The following LRRTM4 variants were observed in gnomAD, a reference collection of about 807,000 sequenced individuals.
LRRTM4 encodes the protein leucine-rich repeat transmembrane neuronal protein 4.
Under a neutral mutation model 47.6 loss-of-function variants are expected in LRRTM4, and 25 were observed. The ratio of observed to expected loss-of-function variants is 0.53; its 90% confidence interval spans 0.38 to 0.73. The LOEUF is 0.73. LRRTM4 is among the 30% of genes least tolerant of loss of function. LRRTM4 has a pLI of 0.00. For missense variants in LRRTM4, 638 were observed against 713.4 expected (o/e 0.89, Z 1.20); for synonymous variants, 311 against 269.5 (o/e 1.15, Z -1.51).
chr2:77,210,332 T>C (rs1028902735), intron 3 of LRRTM4, among the ~76,000 whole-genome samples: 2 of 152,166 alleles, frequency 1.3e-5, no homozygotes, highest in Admixed American at 1.3e-4. Context: ...CCATTTCCTC[T>C]TCCCCACCCT....
intron 3 of LRRTM4, among the ~76,000 whole-genome samples, chr2:77,291,892 A>G (rs543726489): frequency 5.5e-4 from 83 of 152,220 alleles, no homozygotes; most frequent in African/African-American, 1.9e-3. Flanking sequence ...AGAAACTACC[A>G]TCAGAGTGAA....
In LRRTM4 at chr2:77,100,838, C is replaced by T. The variant is rs1465247767; in HGVS notation, c.1552-351922G>A. Among the ~76,000 whole-genome samples the T allele has an allele frequency of 8.0e-5, 12 of 149,192 alleles. No individual in the cohort carries two copies. The Admixed American group carries it at 8.1e-4, about 10-fold the overall frequency. On this transcript the variant is annotated intron_variant, in intron 3 of 3. Coordinates refer to ENST00000409884, the MANE Select transcript of LRRTM4 (RefSeq NM_001134745.3). ...TCAATGTAAGCTTCTATTAAAGTAG[C>T]TCTGATTCTTTTTTTTTTTTTTTTT...
chr2:77,282,222 T>G (rs190133167), intron 3 of LRRTM4, among the ~76,000 whole-genome samples: 4 of 151,994 alleles, frequency 2.6e-5, no homozygotes, highest in Non-Finnish European at 5.9e-5. Flanking sequence ...ATTGCATACT[T>G]GATTTAGCTC....
chr2:76,925,867 A>G (rs1458138067), intron 3 of LRRTM4, among the ~76,000 whole-genome samples: 2 of 152,204 alleles, frequency 1.3e-5, no homozygotes, highest in Non-Finnish European at 1.5e-5. Context: ...AACCTCACAC[A>G]GTATTTATAA....
chr2:77,499,915 T>C (rs573150386), intron 3 of LRRTM4, among the ~76,000 whole-genome samples: 5 of 151,894 alleles, frequency 3.3e-5, no homozygotes, highest in African/African-American at 1.2e-4. Flanking sequence ...TTAAAGTATA[T>C]GGTTACTTTG....
intron 3 of LRRTM4, among the ~76,000 whole-genome samples, chr2:76,786,193 G>T (rs1674661087): frequency 1.3e-5 from 2 of 152,162 alleles, no homozygotes; most frequent in African/African-American, 4.8e-5. Flanking sequence ...TATAAAGAAA[G>T]TCTCTAGCCT....
intron 3 of LRRTM4, among the ~76,000 whole-genome samples, chr2:77,324,892 G>A (rs979546413): frequency 6.6e-6 from 1 of 152,120 alleles, no homozygotes; most frequent in Non-Finnish European, 1.5e-5. Flanking sequence ...TAGGTGATTC[G>A]AACCAAGGTC....
chr2:76,991,034 C>T (rs922651502), intron 3 of LRRTM4, among the ~76,000 whole-genome samples: 5 of 151,728 alleles, frequency 3.3e-5, no homozygotes, highest in Admixed American at 1.3e-4. Flanking sequence ...AAACAACTTG[C>T]TCATGAATGA....
At chr2:77,431,598 A>G (rs1269887765) in intron 3 of LRRTM4, among the ~76,000 whole-genome samples, 1 of 149,048 alleles carries the variant, frequency 6.7e-6, no homozygotes, top group Admixed American at 6.6e-5. Flanking sequence ...TAAAGTCCAG[A>G]GTCTCATCTA....
intron 3 of LRRTM4, among the ~76,000 whole-genome samples, chr2:76,968,385 C>CACACACACAT (rs1558767929): frequency 2.5e-5 from 2 of 79,632 alleles, no homozygotes; most frequent in East Asian, 8.4e-4. Flanking sequence ...TATATATATA[C>CACACACACAT]ACATACATAC....
chr2:76,833,588 T>G (rs375589689), intron 3 of LRRTM4, among the ~76,000 whole-genome samples: 1 of 124,596 alleles, frequency 8.0e-6, no homozygotes, highest in Admixed American at 8.6e-5. Flanking sequence ...TCATAATATA[T>G]TACCAGTAAA....
intron 3 of LRRTM4, among the ~76,000 whole-genome samples, chr2:76,949,363 T>C (rs559204602): frequency 1.3e-5 from 2 of 151,962 alleles, no homozygotes. Context: ...TTCGCTCTCA[T>C]GGAATTCACA....
chr2:77,314,691 C>T (rs1677566515), intron 3 of LRRTM4, among the ~76,000 whole-genome samples: 1 of 152,152 alleles, frequency 6.6e-6, no homozygotes. Context: ...TAGAGGATTA[C>T]ATGCAAATTA....
chr2:77,389,297 A>T (rs1673410643), intron 3 of LRRTM4, among the ~76,000 whole-genome samples: 1 of 152,124 alleles, frequency 6.6e-6, no homozygotes, highest in Admixed American at 6.6e-5. Flanking sequence ...TGTTTCAAAA[A>T]GAAATTTGTA....
intron 3 of LRRTM4, among the ~76,000 whole-genome samples, chr2:77,313,934 C>T (rs1677545679): frequency 6.6e-6 from 1 of 152,102 alleles, no homozygotes; most frequent in African/African-American, 2.4e-5. Flanking sequence ...TTTTTTATTA[C>T]AAAAGTCTAT....
chr2:77,324,948 G>A (rs1216005898), intron 3 of LRRTM4, among the ~76,000 whole-genome samples: 1 of 152,140 alleles, frequency 6.6e-6, no homozygotes, highest in African/African-American at 2.4e-5. Flanking sequence ...AATTATTTAA[G>A]AATTTGAATT....
chr2:76,974,177 TATATAC>T (rs1164879927), intron 3 of LRRTM4, among the ~76,000 whole-genome samples: 10 of 137,594 alleles, frequency 7.3e-5, no homozygotes, highest in African/African-American at 2.6e-4. Context: ...TACATACATA[TATATAC>T]ATACATATAT....
At chr2:77,318,057 A>AGC (rs1197354671) in intron 3 of LRRTM4, among the ~76,000 whole-genome samples, 5 of 120,766 alleles carry the variant, frequency 4.1e-5, no homozygotes, top group Admixed American at 2.3e-4. Context: ...CCCAGGCTGG[A>AGC]GTGCAGTGGC....
At chr2:77,140,037 T>C (rs1023674913) in intron 3 of LRRTM4, among the ~76,000 whole-genome samples, 1 of 152,074 alleles carries the variant, frequency 6.6e-6, no homozygotes, top group Non-Finnish European at 1.5e-5. Context: ...ATCCTGAAAA[T>C]GGCCATACTG....
Sources: allele counts gnomAD v4.1 joint callset (sites outside exome capture counted in the v4.1 genomes callset), GRCh38; gene constraint gnomAD v4.1.1; transcripts MANE v1.5; gene names NCBI Gene and HGNC (gene_info 2026-07-23, HGNC 2026-07-21).